Variants in SDK1 observed in about 807,000 individuals in gnomAD.
SDK1 encodes the protein protein sidekick-1.
In SDK1, 157 loss-of-function variants were observed where a neutral mutation model predicts 245.5. That is an observed-to-expected ratio of 0.64 (90% CI 0.56 to 0.73). SDK1 has a LOEUF of 0.73. Ranked by LOEUF, SDK1 falls within the 30% of genes least tolerant of loss-of-function variation. SDK1 has a pLI of 0.00. For missense variants in SDK1, 3,583 were observed against 3,002.3 expected (o/e 1.19, Z -4.52); for synonymous variants, 1,647 against 1,278.5 (o/e 1.29, Z -6.15).
intron 38 of SDK1, among the ~76,000 whole-genome samples, chr7:4,215,563 G>A (rs990631053): frequency 3.3e-5 from 5 of 152,228 alleles, no homozygotes; most frequent in African/African-American, 9.6e-5. Flanking sequence ...GGCCACCTGG[G>A]CCAGCCAACC....
At chr7:3,438,072 T>G (rs1227724143) in intron 1 of SDK1, among the ~76,000 whole-genome samples, 1 of 152,148 alleles carries the variant, frequency 6.6e-6, no homozygotes, top group Non-Finnish European at 1.5e-5. Context: ...ATTAAGTTAT[T>G]TACAGCTAAC....
intron 1 of SDK1, among the ~76,000 whole-genome samples, chr7:3,481,285 A>G (rs1362204968): frequency 6.6e-6 from 1 of 152,192 alleles, no homozygotes; most frequent in Non-Finnish European, 1.5e-5. Flanking sequence ...AGATCACACA[A>G]TTAGTGTGTG....
chr7:4,066,033 G>C (rs1341184464), intron 19 of SDK1, among the ~76,000 whole-genome samples: 1 of 152,150 alleles, frequency 6.6e-6, no homozygotes, highest in African/African-American at 2.4e-5. Flanking sequence ...GAGTCGTGTG[G>C]TGTGGAGCTT....
At chr7:3,918,352 G>T (rs1339633050) in intron 5 of SDK1, among the ~76,000 whole-genome samples, 1 of 152,188 alleles carries the variant, frequency 6.6e-6, no homozygotes, top group Non-Finnish European at 1.5e-5. Flanking sequence ...TACCACCAGA[G>T]CTCCGCCCCC....
intron 5 of SDK1, among the ~76,000 whole-genome samples, chr7:3,907,023 C>A (rs1418803171): frequency 2.0e-5 from 3 of 152,136 alleles, no homozygotes; most frequent in African/African-American, 7.2e-5. Context: ...TTATATTTCA[C>A]CTAGAATCTT....
chr7:3,894,580 C>T (rs750035317), intron 5 of SDK1, among the ~76,000 whole-genome samples: 12 of 152,068 alleles, frequency 7.9e-5, no homozygotes, highest in Non-Finnish European at 1.3e-4. Flanking sequence ...TCCGGGGTCT[C>T]GCCCAGTGCA....
chr7:3,496,820 C>T (rs1583951536), intron 1 of SDK1, among the ~76,000 whole-genome samples: 1 of 152,128 alleles, frequency 6.6e-6, no homozygotes, highest in East Asian at 1.9e-4. Context: ...GTAAATTTGG[C>T]TAATTTCTCC....
intron 22 of SDK1, among the ~76,000 whole-genome samples, chr7:4,108,176 G>C (rs1189184454): frequency 6.6e-6 from 1 of 152,128 alleles, no homozygotes. Flanking sequence ...TGTGCTCCTG[G>C]GTCCTTTCCC....
intron 1 of SDK1, among the ~76,000 whole-genome samples, chr7:3,444,296 C>T (rs900608220): frequency 2.6e-5 from 4 of 152,284 alleles, no homozygotes; most frequent in Middle Eastern, 3.4e-3. Context: ...TTGGACATCT[C>T]CACTTGGATG....
intron 1 of SDK1, among the ~76,000 whole-genome samples, chr7:3,432,238 A>G (rs1328320047): frequency 2.0e-5 from 3 of 151,728 alleles, no homozygotes; most frequent in South Asian, 4.2e-4. Flanking sequence ...ATTAGTGCCA[A>G]CTGTGCTGTA....
intron 5 of SDK1, among the ~76,000 whole-genome samples, chr7:3,860,590 A>T (rs1392066641): frequency 6.6e-6 from 1 of 152,182 alleles, no homozygotes; most frequent in Non-Finnish European, 1.5e-5. Context: ...TTTGGGAGCA[A>T]TTTGGTGATA....
chr7:3,711,879 T>C (rs1479870668), intron 4 of SDK1, among the ~76,000 whole-genome samples: 1 of 152,144 alleles, frequency 6.6e-6, no homozygotes, highest in Non-Finnish European at 1.5e-5. Context: ...CCTGCCATGG[T>C]AGACTTCCAG....
Position 3,392,423 on chromosome 7 carries a change from T to A in SDK1, c.298+90539T>A, listed in dbSNP as rs112958949. Among the ~76,000 whole-genome samples the A allele has an allele frequency of 9.6e-3, 1,460 of 152,270 alleles. 33 individuals carry two copies. Among genetic ancestry groups the A allele is most frequent in the African/African-American group, 0.032 (1,335 of 41,560 alleles). On this transcript the variant is annotated intron_variant, in intron 1 of 44. Transcript: ENST00000404826. The stretch of plus-strand genomic sequence containing the variant: ...TGACATGACTCCATTAGTTTTCTTT[T>A]ATATATACTTTTATGGTGGTAAAAT...
intron 43 of SDK1, among the ~76,000 whole-genome samples, chr7:4,245,374 C>G (rs1786782377): frequency 6.6e-6 from 1 of 152,150 alleles, no homozygotes; most frequent in Non-Finnish European, 1.5e-5. Context: ...CCTATCTGTC[C>G]CGACCTCAGG....
rs369880322 is a variant in SDK1 at position 3,427,412 on chromosome 7, G to C, written c.298+125528G>C. Among the ~76,000 whole-genome samples, 139 of 151,870 alleles carry C rather than the reference G, an allele frequency of 9.2e-4. 1 individual carries two copies. The highest frequency in any genetic ancestry group is 3.2e-3 in the African/African-American group (131 of 41,416). ...CGGGCACCTGTAAATCCAGCTACTT[G>C]GGAGGCTGGAGCAGGAGAATCACTT... On this transcript the variant is annotated intron_variant, in intron 1 of 44. Transcript: ENST00000404826.
intron 1 of SDK1, among the ~76,000 whole-genome samples, chr7:3,565,782 A>T (rs1414348266): frequency 2.6e-5 from 4 of 152,210 alleles, no homozygotes; most frequent in African/African-American, 9.6e-5. Context: ...TATGTTAAGT[A>T]GTTGTTATAT....
intron 5 of SDK1, among the ~76,000 whole-genome samples, chr7:3,859,424 AC>A (rs1373417100): frequency 1.3e-5 from 2 of 151,564 alleles, no homozygotes; most frequent in African/African-American, 4.9e-5. Context: ...ACCTCAACTC[AC>A]GCTGGTTTTG....
At chr7:3,304,186 C>A (rs1029507279) in intron 1 of SDK1, among the ~76,000 whole-genome samples, 25 of 152,210 alleles carry the variant, frequency 1.6e-4, no homozygotes, top group African/African-American at 5.5e-4. Flanking sequence ...CCTGGAGTTT[C>A]TTCTTTCTAT....
At chr7:3,473,334 C>T (rs990470969) in intron 1 of SDK1, among the ~76,000 whole-genome samples, 10 of 152,166 alleles carry the variant, frequency 6.6e-5, no homozygotes, top group African/African-American at 1.7e-4. Context: ...AGGTAGAAAA[C>T]AAGGAGTGAA....
Sources: gnomAD v4.1 joint callset for allele counts (sites outside exome capture counted in the v4.1 genomes callset) on GRCh38, gnomAD v4.1.1 for gene constraint, MANE v1.5 for transcripts, NCBI Gene and HGNC (gene_info 2026-07-23, HGNC 2026-07-21) for gene names.